Variants in MGAT4C observed in about 807,000 individuals in gnomAD.
The protein encoded by MGAT4C is MGAT4 family member C.
A neutral mutation model predicts 40.1 loss-of-function variants in MGAT4C; 19 were observed. That is an observed-to-expected ratio of 0.47 (90% CI 0.33 to 0.70). The LOEUF (loss-of-function observed/expected upper bound fraction) is 0.70, where lower values mean the gene tolerates loss of function less well. Ranked by LOEUF, MGAT4C falls within the 30% of genes least tolerant of loss-of-function variation. MGAT4C has a pLI of 0.02. For synonymous variants in MGAT4C, 181 were observed against 187.1 expected (o/e 0.97, Z 0.27); for missense variants, 491 against 563.2 (o/e 0.87, Z 1.30).
At chr12:86,028,356 T>C (rs1164604220) in intron 2 of MGAT4C, 1 of 353,690 alleles carries the variant, frequency 2.8e-6, no homozygotes, top group Non-Finnish European at 5.4e-6. Flanking sequence ...CAAGTGATGC[T>C]GTCACTATGA....
At chr12:86,190,542 C>G (rs188827160) in intron 1 of MGAT4C, among the ~76,000 whole-genome samples, 1 of 152,198 alleles carries the variant, frequency 6.6e-6, no homozygotes. Flanking sequence ...TTGCTGCCCT[C>G]AAAATTGCTT....
chr12:86,484,552 A>G (rs1371812271), intron 2 of MGAT4C, among the ~76,000 whole-genome samples: 1 of 152,178 alleles, frequency 6.6e-6, no homozygotes, highest in Non-Finnish European at 1.5e-5. Context: ...TCGAGGGGCA[A>G]AAGGATGTAG....
intron 2 of MGAT4C, among the ~76,000 whole-genome samples, chr12:86,018,368 C>G (rs1274230794): frequency 6.6e-6 from 1 of 152,186 alleles, no homozygotes; most frequent in Non-Finnish European, 1.5e-5. Context: ...AACCTCACGT[C>G]AGGGAAAACA....
chr12:86,815,286 C>T (rs1341121128), intron 1 of MGAT4C, among the ~76,000 whole-genome samples: 1 of 151,932 alleles, frequency 6.6e-6, no homozygotes, highest in Non-Finnish European at 1.5e-5. Flanking sequence ...CAAATCAAAA[C>T]CACAACGCAA....
At chr12:86,706,051 A>T (rs1037223153) in intron 2 of MGAT4C, among the ~76,000 whole-genome samples, 13 of 152,288 alleles carry the variant, frequency 8.5e-5, no homozygotes, top group African/African-American at 3.1e-4. Flanking sequence ...GTCCATAAGT[A>T]GGCCTTACTT....
At chr12:86,387,718 T>C (rs1292850364) in intron 3 of MGAT4C, among the ~76,000 whole-genome samples, 1 of 152,140 alleles carries the variant, frequency 6.6e-6, no homozygotes, top group Admixed American at 6.5e-5. Flanking sequence ...AGCTGTAGTA[T>C]GACTTCTGTA....
chr12:86,385,928 TTTTA>T (rs1173437011), intron 3 of MGAT4C, among the ~76,000 whole-genome samples: 4 of 152,126 alleles, frequency 2.6e-5, no homozygotes, highest in African/African-American at 9.7e-5. Flanking sequence ...ATTTTTTATT[TTTTA>T]TTTATTTATT....
chr12:86,446,682 T>TATATAC lies in MGAT4C; in HGVS notation c.-228-11418_-228-11417insGTATAT, dbSNP rs1555190157. On this transcript the variant is annotated intron_variant, in intron 2 of 7. Coordinates refer to the MGAT4C transcript ENST00000548651. Reference sequence around the variant, plus strand: ...TCATATATATATATATATATATATATATATATATATATATATATATATGGA... The same window carrying TATATAC: ...TCATATATATATATATATATATATATATATACATATATATATATATATATATATGGA... 4.4e-3 allele frequency among the ~76,000 whole-genome samples: 503 copies of TATATAC among 113,448 alleles called. 12 individuals are homozygous for TATATAC. Among genetic ancestry groups the TATATAC allele is most frequent in the Non-Finnish European group, 7.8e-3 (413 of 52,990 alleles). The allele number at this position is 113,448 out of a possible 152,430, so 74.4% of individuals were successfully genotyped here. A position where few individuals can be genotyped will look rare whatever the true frequency, so the allele number is the denominator to read the frequency against.
At chr12:86,763,901 G>T (rs75895392) in intron 1 of MGAT4C, among the ~76,000 whole-genome samples, 1 of 152,124 alleles carries the variant, frequency 6.6e-6, no homozygotes, top group Non-Finnish European at 1.5e-5. Flanking sequence ...GGCCGAATAG[G>T]AACAGCTCCT....
intron 1 of MGAT4C, among the ~76,000 whole-genome samples, chr12:86,217,641 G>T (rs1407988477): frequency 6.6e-6 from 1 of 151,970 alleles, no homozygotes; most frequent in Non-Finnish European, 1.5e-5. Flanking sequence ...GGAAATGAAG[G>T]TTACTAGAGT....
chr12:86,247,281 A>G (rs1049710111), intron 1 of MGAT4C, among the ~76,000 whole-genome samples: 1 of 152,200 alleles, frequency 6.6e-6, no homozygotes, highest in African/African-American at 2.4e-5. Flanking sequence ...TATGATTAAC[A>G]TTCAGTAGCA....
At chr12:85,994,324 C>T (rs1472656079) in intron 2 of MGAT4C, among the ~76,000 whole-genome samples, 1 of 152,162 alleles carries the variant, frequency 6.6e-6, no homozygotes, top group Non-Finnish European at 1.5e-5. Context: ...ATAAAGTTTC[C>T]ATGGTGTATA....
chr12:86,604,481 C>T (rs1026502445), intron 2 of MGAT4C, among the ~76,000 whole-genome samples: 4 of 152,032 alleles, frequency 2.6e-5, no homozygotes, highest in Non-Finnish European at 5.9e-5. Flanking sequence ...ATATTTTAGA[C>T]TCTACCTTAT....
intron 2 of MGAT4C, among the ~76,000 whole-genome samples, chr12:86,441,962 A>G (rs1383640117): frequency 6.6e-6 from 1 of 152,166 alleles, no homozygotes; most frequent in Non-Finnish European, 1.5e-5. Context: ...TCCCACTGAC[A>G]GTGTAAAAGT....
Position 86,747,679 on chromosome 12 carries a change from G to A in MGAT4C, c.-261-20438C>T, listed in dbSNP as rs111627871. On this transcript the variant is annotated intron_variant, in intron 1 of 7. Transcript: ENST00000548651. ...ATTGATAACAGTTATAGAGCTACTT[G>A]GCATTCTAAACATGCAGACATGTCT... 8.0e-3 allele frequency among the ~76,000 whole-genome samples: 1,212 copies of A among 151,548 alleles called. 13 individuals are homozygous for A. The highest frequency in any genetic ancestry group is 0.028 in the African/African-American group (1,157 of 41,422).
At chr12:86,572,978 T>C (rs1960427717) in intron 2 of MGAT4C, among the ~76,000 whole-genome samples, 1 of 152,136 alleles carries the variant, frequency 6.6e-6, no homozygotes, top group Admixed American at 6.6e-5. Context: ...TTATAGATAC[T>C]TGTAACTGCA....
chr12:86,245,817 A>G (rs913319802), intron 1 of MGAT4C, among the ~76,000 whole-genome samples: 1 of 152,196 alleles, frequency 6.6e-6, no homozygotes, highest in Non-Finnish European at 1.5e-5. Flanking sequence ...TTCTACAACA[A>G]GAACAAATTA....
chr12:86,590,992 T>G (rs961441064), intron 2 of MGAT4C, among the ~76,000 whole-genome samples: 2 of 152,010 alleles, frequency 1.3e-5, no homozygotes, highest in African/African-American at 4.8e-5. Flanking sequence ...ATTTTAACTT[T>G]ATATCTATTT....
chr12:86,494,574 A>G (rs181395141), intron 2 of MGAT4C, among the ~76,000 whole-genome samples: 2 of 151,962 alleles, frequency 1.3e-5, no homozygotes, highest in East Asian at 1.9e-4. Flanking sequence ...CATGATAGAA[A>G]GCATTGTATA....
Sources: allele counts gnomAD v4.1 joint callset (sites outside exome capture counted in the v4.1 genomes callset), GRCh38; gene constraint gnomAD v4.1.1; transcripts MANE v1.5; gene names NCBI Gene and HGNC (gene_info 2026-07-23, HGNC 2026-07-21).